Variants in LHPP observed in about 807,000 individuals in gnomAD.
The protein encoded by LHPP is phospholysine phosphohistidine inorganic pyrophosphate phosphatase, also known as hLHPP.
In LHPP, 24 loss-of-function variants were observed where a neutral mutation model predicts 30.3. The ratio of observed to expected loss-of-function variants is 0.79; its 90% CI spans 0.57 to 1.11. The LOEUF is 1.11. LHPP is among the 50% of genes most tolerant of loss of function. The pLI is 0.00. For synonymous variants in LHPP, 150 were observed against 157.1 expected (o/e 0.95, Z 0.34); for missense variants, 356 against 367.2 (o/e 0.97, Z 0.25).
intron 6 of LHPP, among the ~76,000 whole-genome samples, chr10:124,603,256 G>C (rs1328517823): frequency 6.6e-6 from 1 of 152,192 alleles, no homozygotes; most frequent in African/African-American, 2.4e-5. Context: ...GGCCCAGCCC[G>C]GGTGCACAGC....
Position 124,496,784 on chromosome 10 carries a change from C to T in LHPP, c.468-177C>T, listed in dbSNP as rs1179015431. On this transcript the variant is annotated intron_variant, in intron 3 of 6. Coordinates refer to ENST00000368842, the MANE Select transcript of LHPP (RefSeq NM_022126.4). The surrounding 1 kb of genome is among the most constrained non-coding windows in gnomAD (Gnocchi z 4.3). ...CCACTGGGTGTGGCGGCCTGCCGCC[C>T]GGCTCTGTGGTGCTGGTCCCCTGCG... Among the ~76,000 whole-genome samples, 5 of 152,248 alleles carry T rather than the reference C, an allele frequency of 3.3e-5. No individual in the cohort carries two copies. Among genetic ancestry groups the T allele is most frequent in the South Asian group, 2.1e-4 (1 of 4,838 alleles).
intron 6 of LHPP, among the ~76,000 whole-genome samples, chr10:124,551,383 G>A (rs1001976125): frequency 6.6e-6 from 1 of 152,122 alleles, no homozygotes; most frequent in Non-Finnish European, 1.5e-5. Context: ...TGGCACCCCC[G>A]GCCCTCACAC....
chr10:124,485,484 C>A (rs143424601), intron 2 of LHPP, among the ~76,000 whole-genome samples: 1 of 151,970 alleles, frequency 6.6e-6, no homozygotes, highest in Non-Finnish European at 1.5e-5. Context: ...AATAACTAGA[C>A]CCTTGTTTTC....
intron 6 of LHPP, among the ~76,000 whole-genome samples, chr10:124,537,923 G>A (rs867894518): frequency 8.5e-5 from 13 of 152,224 alleles, no homozygotes; most frequent in African/African-American, 2.7e-4. Context: ...GGAAGGACAC[G>A]GCCAAGGGGC....
intron 5 of LHPP, among the ~76,000 whole-genome samples, chr10:124,506,745 G>C (rs565919226): frequency 1.4e-5 from 1 of 70,564 alleles, no homozygotes. Flanking sequence ...ATTTCAGGTT[G>C]GGGGGTAGGG....
intron 6 of LHPP, among the ~76,000 whole-genome samples, chr10:124,588,043 T>A (rs1229037523): frequency 6.6e-6 from 1 of 152,208 alleles, no homozygotes; most frequent in Non-Finnish European, 1.5e-5. Context: ...ACAGCCCCAC[T>A]GCCACTGCCC....
intron 6 of LHPP, among the ~76,000 whole-genome samples, chr10:124,567,430 C>T (rs1263671253): frequency 6.6e-6 from 1 of 152,276 alleles, no homozygotes; most frequent in African/African-American, 2.4e-5. Flanking sequence ...TCGGCCCCCT[C>T]CACTCATGAG....
intron 6 of LHPP, among the ~76,000 whole-genome samples, chr10:124,591,096 G>T (rs1948878017): frequency 6.6e-6 from 1 of 152,198 alleles, no homozygotes; most frequent in Non-Finnish European, 1.5e-5. Flanking sequence ...GGGGGGAAGG[G>T]GGCACCGCGG....
At chr10:124,481,674 C>G (rs1178252708) in intron 1 of LHPP, among the ~76,000 whole-genome samples, 2 of 152,120 alleles carry the variant, frequency 1.3e-5, no homozygotes, top group Non-Finnish European at 2.9e-5. Context: ...AGCCACCATG[C>G]TCTGCCTTAT....
intron 1 of LHPP, among the ~76,000 whole-genome samples, chr10:124,475,613 C>T (rs1952919994): frequency 6.6e-6 from 1 of 152,246 alleles, no homozygotes; most frequent in Admixed American, 6.5e-5. Context: ...CTGTTGGTGC[C>T]TCATTTTACA....
intron 5 of LHPP, among the ~76,000 whole-genome samples, chr10:124,503,103 C>T (rs1213446856): frequency 6.6e-6 from 1 of 151,576 alleles, no homozygotes; most frequent in African/African-American, 2.4e-5. Context: ...GAGTTTCACT[C>T]CTGTTGCCCA....
At position 124,496,675 on chromosome 10, in the gene LHPP, A is replaced by G. The variant is rs1466957718; in HGVS notation, c.468-286A>G. Among the ~76,000 whole-genome samples the G allele has an allele frequency of 1.3e-5, 2 of 152,206 alleles. No individual in the cohort carries two copies. The highest frequency in any genetic ancestry group is 4.8e-5 in the African/African-American group (2 of 41,450). On this transcript the variant is annotated intron_variant, in intron 3 of 6. Coordinates refer to ENST00000368842, the MANE Select transcript of LHPP (RefSeq NM_022126.4). The surrounding 1 kb of genome is among the most constrained non-coding windows in gnomAD (Gnocchi z 4.3). ...TTCTGGGTCCCCTGTTAATCATTGCAGCAGGGTCCCCACGAGTCTGACAGC... is the reference window on the plus strand; with the variant it reads ...TTCTGGGTCCCCTGTTAATCATTGCGGCAGGGTCCCCACGAGTCTGACAGC...
chr10:124,527,508 G>GC (rs1371835380), intron 6 of LHPP, among the ~76,000 whole-genome samples: 2 of 152,184 alleles, frequency 1.3e-5, no homozygotes, highest in African/African-American at 4.8e-5. Context: ...CAGGGACAAG[G>GC]CCCCCTACTC....
At chr10:124,538,558 C>T (rs1352472445) in intron 6 of LHPP, among the ~76,000 whole-genome samples, 1 of 152,210 alleles carries the variant, frequency 6.6e-6, no homozygotes, top group Non-Finnish European at 1.5e-5. Context: ...ACCCCCTGCC[C>T]GCTGTGGCCC....
rs1241799797 is a variant in LHPP, at chr10:124,517,386, GTGGGCATTCAC to G, written c.716+117_716+127del. 2 of 665,916 alleles carry G rather than the reference GTGGGCATTCAC, an allele frequency of 3.0e-6. No individual in the cohort carries two copies. The highest frequency in any genetic ancestry group is 4.9e-6 in the Non-Finnish European group (2 of 410,860). The allele number at this position is 665,916 out of a possible 1,614,324, so 41.3% of individuals were successfully genotyped here. ...TTCTTTCCAAATCAAAGAGCAGTAT[GTGGGCATTCAC>G]TATCTTGTATGTAATGGACCTCTAA... On this transcript the variant is annotated intron_variant, in intron 6 of 6. Coordinates refer to ENST00000368842, the MANE Select transcript of LHPP (RefSeq NM_022126.4). This position sits in a 1 kb window ranked among gnomAD's most constrained non-coding sequence, Gnocchi z 4.1.
intron 6 of LHPP, among the ~76,000 whole-genome samples, chr10:124,571,662 C>T (rs1363920589): frequency 6.6e-6 from 1 of 150,796 alleles, no homozygotes; most frequent in Non-Finnish European, 1.5e-5. Flanking sequence ...GATCATGGAC[C>T]TCTTATACTA....
chr10:124,462,072 G>A, intron 1 of LHPP, 85 bp downstream of exon 1: 1 of 1,139,030 alleles, frequency 8.8e-7, no homozygotes, highest in Non-Finnish European at 1.1e-6. Context: ...CGGGGCGGCA[G>A]GGGGCGGGGC....
At chr10:124,549,824 G>A (rs1955435491) in intron 6 of LHPP, among the ~76,000 whole-genome samples, 1 of 152,264 alleles carries the variant, frequency 6.6e-6, no homozygotes, top group Non-Finnish European at 1.5e-5. Context: ...GCCTAGTGGG[G>A]CACTTTGGGA....
At chr10:124,610,341 G>A (rs1232825574) in intron 6 of LHPP, among the ~76,000 whole-genome samples, 1 of 151,592 alleles carries the variant, frequency 6.6e-6, no homozygotes, top group Non-Finnish European at 1.5e-5. Context: ...GGTGCTGATG[G>A]AGCGGGTGAG....
Sources: gnomAD v4.1 joint callset for allele counts (sites outside exome capture counted in the v4.1 genomes callset) on GRCh38, gnomAD v4.1.1 for gene constraint, Gnocchi (gnomAD v3.1) non-coding constraint, MANE v1.5 for transcripts, NCBI Gene and HGNC (gene_info 2026-07-23, HGNC 2026-07-21) for gene names.